Variants in ATG4D observed in about 807,000 individuals in gnomAD.
ATG4D encodes autophagy related 4D cysteine peptidase, also known as cysteine protease ATG4D.
Under a neutral mutation model 55.2 loss-of-function variants are expected in ATG4D, and 51 were observed. The observed-to-expected ratio is 0.92, with a 90% CI of 0.74 to 1.17. ATG4D has a LOEUF of 1.17. Ranked by LOEUF, ATG4D falls within the 50% of genes most tolerant of loss-of-function variation. ATG4D has a pLI of 0.00. For synonymous variants in ATG4D, 268 were observed against 266.2 expected, an observed-to-expected ratio of 1.01 and a Z score of -0.07; for missense variants, 635 against 649.6, an observed-to-expected ratio of 0.98 and a Z score of 0.25.
rs781023858 is a variant in ATG4D at position 10,552,966 on chromosome 19, G to A, written c.1324G>A (p.Asp442Asn). ...EGHAQDHSLD[D>N]LCSQLAQPTL... ...CCATGCTCAGGACCACAGCCTGGACGACCTCTGCTCCCAGCTCGCCCAGCC... is the reference window on the plus strand; with the variant it reads ...CCATGCTCAGGACCACAGCCTGGACAACCTCTGCTCCCAGCTCGCCCAGCC... The change falls in exon 10 of 10, where the codon GAC (aspartate) becomes AAC (asparagine). Residue 442 changes from aspartate (D) to asparagine (N), a missense_variant. Asp to Asn is a conservative substitution (Grantham distance 23). Coordinates refer to ENST00000309469, the MANE Select transcript of ATG4D (RefSeq NM_032885.6). The A allele has an allele frequency of 1.2e-5, 19 of 1,613,714 alleles. No individual in the cohort carries two copies. Among genetic ancestry groups the A allele is most frequent in the East Asian group, 2.2e-5 (1 of 44,866 alleles).
At position 10,544,159 on chromosome 19, in the gene ATG4D, CGAGGCCCGCAGGCCGCGGGGTCCCA is replaced by C. The variant is rs1233664314; in HGVS notation, c.77_101del (p.Arg26GlnfsTer37). The C allele has an allele frequency of 3.3e-5, 41 of 1,244,630 alleles. No homozygotes were observed. Among genetic ancestry groups the C allele is most frequent in the Non-Finnish European group, 3.9e-5 (39 of 987,408 alleles). 77.1% of individuals were successfully genotyped at this position (1,244,630 alleles called of 1,614,324 possible). ...GCCCGGAGGACGCGCGCCGCCGGCC[CGAGGCCCGCAGGCCGCGGGGTCCCA>C]GAGGCCCAGACCCCAACGGCCTGGG... On this transcript the variant is annotated frameshift_variant, in exon 1 of 10. Coordinates refer to ENST00000309469, the MANE Select transcript of ATG4D (RefSeq NM_032885.6). LOFTEE classifies it high-confidence loss of function.
rs779645811 is a variant in ATG4D at position 10,553,129 on chromosome 19, G to A, written c.*62G>A. ...TTTTTTTATTTATGTCATGTCGGGT[G>A]TGGGATCTTGAGCTCTGGCAGTGAT... On this transcript the variant is annotated 3_prime_UTR_variant, in exon 10 of 10. Transcript: ENST00000309469. 4.7e-6 allele frequency: 7 copies of A among 1,491,560 alleles called. No individual in the cohort carries two copies. Among genetic ancestry groups the A allele is most frequent in the East Asian group, 2.4e-5 (1 of 41,716 alleles). The allele number at this position is 1,491,560 out of a possible 1,614,324, so 92.4% of individuals were successfully genotyped here.
chr19:10,552,406 C>A, intron 9 of ATG4D, 82 bp downstream of exon 9: 1 of 1,497,244 alleles, frequency 6.7e-7, no homozygotes, highest in Non-Finnish European at 8.9e-7. Context: ...GGCCTCGAGT[C>A]CAGCAGAGCT....
chr19:10,546,302 T>C (rs1165002335), intron 3 of ATG4D, among the ~76,000 whole-genome samples: 1 of 152,102 alleles, frequency 6.6e-6, no homozygotes, highest in Non-Finnish European at 1.5e-5. Flanking sequence ...CCAGTCTGGA[T>C]GACAGTGAGA....
chr19:10,549,065 A>G, intron 6 of ATG4D, 31 bp downstream of exon 6: 1 of 1,612,266 alleles, frequency 6.2e-7, no homozygotes, highest in South Asian at 1.1e-5. Context: ...GGACACCTCC[A>G]CCTGGGAGCC....
At chr19:10,548,592 G>A (rs1382808150) in intron 5 of ATG4D, among the ~76,000 whole-genome samples, 1 of 152,146 alleles carries the variant, frequency 6.6e-6, no homozygotes, top group Non-Finnish European at 1.5e-5. Flanking sequence ...GAGTCACTGA[G>A]GACCTGTCAG....
In ATG4D at chr19:10,551,903, C is replaced by G; in HGVS notation, c.973C>G (p.Leu325Val). ...PVYVPCVKEL[L>V]RCELCLGIMG... is the part of the protein sequence containing the mutation. ...CCTACCCTCCTCCCTGCAGGAACTC[C>G]TGCGTTGCGAGCTGTGCCTGGGCAT... Residue 325 changes from leucine to valine, a missense_variant, in exon 7 of 10, where the codon CTG (leucine) becomes GTG (valine). Leu to Val is a conservative substitution (Grantham distance 32). Transcript: ENST00000309469. The G allele has an allele frequency of 6.2e-7, 1 of 1,613,918 alleles. No homozygotes were observed. The highest frequency in any genetic ancestry group is 8.5e-7 in the Non-Finnish European group (1 of 1,179,978).
intron 9 of ATG4D, among the ~76,000 whole-genome samples, chr19:10,552,684 A>T (rs1373000764): frequency 6.6e-6 from 1 of 152,170 alleles, no homozygotes; most frequent in Non-Finnish European, 1.5e-5. Flanking sequence ...TTGCAGCAAA[A>T]ATCCCAGGAC....
intron 6 of ATG4D, among the ~76,000 whole-genome samples, chr19:10,549,992 T>C (rs957508221): frequency 2.2e-4 from 33 of 151,010 alleles, no homozygotes; most frequent in Non-Finnish European, 4.3e-4. Flanking sequence ...GGCAACATAG[T>C]GAGACCCCCA....
Position 10,545,138 on chromosome 19 carries a change from A to G in ATG4D, c.493+8A>G, listed in dbSNP as rs1387810080. The G allele has an allele frequency of 6.2e-7, 1 of 1,607,152 alleles. No individual in the cohort carries two copies. The highest frequency in any genetic ancestry group is 8.5e-7 in the Non-Finnish European group (1 of 1,179,906). ...TGCATTTCCTGCCCAGAGGTGAGCC[A>G]TAGGGGGGAAGGGGTGCACTAGGAG... On this transcript the variant is annotated splice_region_variant and intron_variant, in intron 3 of 9. Coordinates refer to ENST00000309469, the MANE Select transcript of ATG4D (RefSeq NM_032885.6).
In ATG4D at chr19:10,553,115, A is replaced by C. The variant is rs1140864; in HGVS notation, c.*48A>C. The C allele has an allele frequency of 2.6e-6, 4 of 1,525,296 alleles. No homozygotes were observed. In the Admixed American group the frequency reaches 6.0e-5, roughly 23 times the overall value. 94.5% of individuals were successfully genotyped at this position (1,525,296 alleles called of 1,614,324 possible). Reference sequence around the variant, plus strand: ...TACAACACTATTTATTTTTTTATTTATGTCATGTCGGGTGTGGGATCTTGA... The same window carrying C: ...TACAACACTATTTATTTTTTTATTTCTGTCATGTCGGGTGTGGGATCTTGA... On this transcript the variant is annotated 3_prime_UTR_variant, in exon 10 of 10. Transcript: ENST00000309469.
intron 5 of ATG4D, among the ~76,000 whole-genome samples, chr19:10,548,269 A>G (rs1014943554): frequency 1.2e-4 from 17 of 141,784 alleles, no homozygotes; most frequent in African/African-American, 4.5e-4. Flanking sequence ...TCCTGACCTC[A>G]TGATCCCCCC....
rs778363094 is a variant in ATG4D at position 10,547,626 on chromosome 19, GAA to G, written c.835+394_835+395del. 5.9e-3 allele frequency among the ~76,000 whole-genome samples: 293 copies of G among 49,252 alleles called. 1 individual carries two copies. The highest frequency in any genetic ancestry group is 0.016 in the East Asian group (19 of 1,184). 32.3% of individuals were successfully genotyped at this position (49,252 alleles called of 152,430 possible). On this transcript the variant is annotated intron_variant, in intron 5 of 9. Coordinates refer to ENST00000309469, the MANE Select transcript of ATG4D (RefSeq NM_032885.6). ...CTGGGCGACAGAGTAGGATCCTGTC[GAA>G]AAAAAAAAAAAAAAAAAAAAGAGGC...
Position 10,552,991 on chromosome 19 carries a change from C to CCA in ATG4D, c.1353_1354dup (p.Leu452HisfsTer29). 6.2e-7 allele frequency: 1 copy of CCA among 1,613,446 alleles called. No homozygotes were observed. The highest frequency in any genetic ancestry group is 1.1e-5 in the South Asian group (1 of 91,086). Reference sequence around the variant, plus strand: ...GACCTCTGCTCCCAGCTCGCCCAGCCCACACTCCGGCTCCCTCGCACAGGG... The same window carrying CCA: ...GACCTCTGCTCCCAGCTCGCCCAGCCCACACACTCCGGCTCCCTCGCACAGGG... On this transcript the variant is annotated frameshift_variant, in exon 10 of 10. Transcript: ENST00000309469. LOFTEE classifies it high-confidence loss of function.
chr19:10,548,404 C>T (rs914980047), intron 5 of ATG4D, among the ~76,000 whole-genome samples: 1 of 152,056 alleles, frequency 6.6e-6, no homozygotes, highest in African/African-American at 2.4e-5. Flanking sequence ...ACCTTATCTC[C>T]AAAATGGGTC....
At chr19:10,552,164 G>A in intron 8 of ATG4D, 41 bp from the exon 9 acceptor site, 2 of 1,610,148 alleles carry the variant, frequency 1.2e-6, no homozygotes, top group Non-Finnish European at 1.7e-6. Flanking sequence ...ATGGCGGGTG[G>A]GCAGCCCAGC....
intron 3 of ATG4D, among the ~76,000 whole-genome samples, 184 bp downstream of exon 3, chr19:10,545,314 G>A (rs1413395653): frequency 6.6e-6 from 1 of 152,212 alleles, no homozygotes; most frequent in African/African-American, 2.4e-5. Context: ...GCTCATGCCT[G>A]TAATCCTAGC....
In ATG4D at chr19:10,553,121, T is replaced by C; in HGVS notation, c.*54T>C. On this transcript the variant is annotated 3_prime_UTR_variant, in exon 10 of 10. Transcript: ENST00000309469. ...ACTATTTATTTTTTTATTTATGTCA[T>C]GTCGGGTGTGGGATCTTGAGCTCTG... 2 of 1,509,716 alleles carry C rather than the reference T, an allele frequency of 1.3e-6. No homozygotes were observed. Among genetic ancestry groups the C allele is most frequent in the Non-Finnish European group, 1.8e-6 (2 of 1,129,776 alleles). The allele number at this position is 1,509,716 out of a possible 1,614,324, so 93.5% of individuals were successfully genotyped here. A position where few individuals can be genotyped will look rare whatever the true frequency, so the allele number is the denominator to read the frequency against.
intron 3 of ATG4D, among the ~76,000 whole-genome samples, chr19:10,545,732 T>A (rs1916011667): frequency 6.6e-6 from 1 of 151,534 alleles, no homozygotes; most frequent in African/African-American, 2.4e-5. Flanking sequence ...AAAAATTAGC[T>A]GGGTGTGGTG....
Sources: gnomAD v4.1 joint callset for allele counts (sites outside exome capture counted in the v4.1 genomes callset) on GRCh38, gnomAD v4.1.1 for gene constraint, MANE v1.5 for transcripts, NCBI Gene and HGNC (gene_info 2026-07-23, HGNC 2026-07-21) for gene names.